The following SLC48A1 variants were observed in gnomAD, a reference collection of about 807,000 sequenced individuals.
The protein encoded by SLC48A1 is solute carrier family 48 member 1.
Under a neutral mutation model 14.8 loss-of-function variants are expected in SLC48A1, and 6 were observed. The ratio of observed to expected loss-of-function variants is 0.41; its 90% CI spans 0.22 to 0.80. SLC48A1 has a LOEUF of 0.80. Ranked by LOEUF, SLC48A1 falls within the 30% of genes least tolerant of loss-of-function variation. The probability of loss-of-function intolerance (pLI) is 0.34; values close to 1 mark genes in which losing one functional copy is unlikely to be tolerated. For synonymous variants in SLC48A1, 89 were observed against 90.0 expected (o/e 0.99, Z 0.06); for missense variants, 165 against 204.8 (o/e 0.81, Z 1.19).
intron 2 of SLC48A1, among the ~76,000 whole-genome samples, chr12:47,765,891 C>G (rs970485028): frequency 7.2e-5 from 11 of 152,240 alleles, no homozygotes; most frequent in South Asian, 2.1e-4. Flanking sequence ...AGTTTCTCCC[C>G]CTCCTGCCAT....
At chr12:47,756,922 T>C (rs1396974003), upstream of SLC48A1, among the ~76,000 whole-genome samples, 1 of 151,242 alleles carries the variant, frequency 6.6e-6, no homozygotes, top group East Asian at 1.9e-4. Flanking sequence ...TGAGCCAAGA[T>C]TGCTTCACTG....
chr12:47,769,737 T>C (rs919825407), upstream of SLC48A1: 4 of 152,120 alleles, frequency 2.6e-5, no homozygotes, highest in Non-Finnish European at 5.9e-5. Context: ...CTGTGATGTT[T>C]CATCATCATT....
chr12:47,780,653 G>A lies in SLC48A1; in HGVS notation c.*372G>A, dbSNP rs1027832849. ...GCGATCTCAGCTCACTGCAACCTCC[G>A]CCTCCCAGGTTCAAGCAATTCTCCT... On this transcript the variant is annotated 3_prime_UTR_variant, in exon 3 of 3. Coordinates refer to ENST00000442218, the MANE Select transcript of SLC48A1 (RefSeq NM_017842.3). The A allele has an allele frequency of 2.7e-5, 11 of 405,690 alleles. No individual in the cohort carries two copies. The highest frequency in any genetic ancestry group is 1.8e-4 in the African/African-American group (8 of 43,892). The allele number at this position is 405,690 out of a possible 1,614,324, so 25.1% of individuals were successfully genotyped here.
chr12:47,756,526 C>G (rs771147184), upstream of SLC48A1: 4 of 152,146 alleles, frequency 2.6e-5, no homozygotes, highest in African/African-American at 9.7e-5. Flanking sequence ...CATGTGGACT[C>G]TCCTCTCAAT....
In SLC48A1 at chr12:47,779,682, G is replaced by A. The variant is rs956546470; in HGVS notation, c.305-463G>A. 3.9e-5 allele frequency among the ~76,000 whole-genome samples: 6 copies of A among 152,292 alleles called. No homozygotes were observed. The South Asian group carries it at 1.2e-3, about 32-fold the overall frequency. On this transcript the variant is annotated intron_variant, in intron 2 of 2. Transcript: ENST00000442218. ...CTGGAATACTCTAAAACGGTCCCCA[G>A]CTCCGTTCTACTGTTCCAGGCTGTG...
chr12:47,781,285 G>C lies in SLC48A1; in HGVS notation c.*1004G>C, dbSNP rs1348670244. 1 of 179,372 alleles carries C rather than the reference G, an allele frequency of 5.6e-6. No homozygotes were observed. The highest frequency in any genetic ancestry group is 9.6e-5 in the South Asian group (1 of 10,378). The allele number at this position is 179,372 out of a possible 1,614,324, so 11.1% of individuals were successfully genotyped here. On this transcript the variant is annotated 3_prime_UTR_variant, in exon 3 of 3. Coordinates refer to ENST00000442218, the MANE Select transcript of SLC48A1 (RefSeq NM_017842.3). ...TTGGGGAAGGGGGCAACATAGTAGA[G>C]GCTGGAAAGAGCCCCCAAACCTGTA...
chr12:47,767,381 G>C (rs192148014), upstream of SLC48A1, among the ~76,000 whole-genome samples: 69 of 152,298 alleles, frequency 4.5e-4, no homozygotes, highest in Admixed American at 4.1e-3. Flanking sequence ...CTTTTCATAT[G>C]TATTGAATAT....
In SLC48A1 at chr12:47,780,572, T is replaced by TC; in HGVS notation, c.*291_*292insC. 1.9e-6 allele frequency: 1 copy of TC among 534,306 alleles called. No homozygotes were observed. Among genetic ancestry groups the TC allele is most frequent in the East Asian group, 4.5e-5 (1 of 22,038 alleles). 33.1% of individuals were successfully genotyped at this position (534,306 alleles called of 1,614,324 possible). The stretch of plus-strand genomic sequence containing the variant: ...TCTTTTCTTTCTTTTTTTTTTCTTT[T>TC]TTTTTTTTTTTTGAGATGGAGTCTT... On this transcript the variant is annotated 3_prime_UTR_variant, in exon 3 of 3. Coordinates refer to ENST00000442218, the MANE Select transcript of SLC48A1 (RefSeq NM_017842.3).
chr12:47,755,458 G>A (rs1941997832), upstream of SLC48A1, among the ~76,000 whole-genome samples: 1 of 152,150 alleles, frequency 6.6e-6, no homozygotes. Context: ...CCCAAGAACA[G>A]TCACACAAAG....
At chr12:47,760,919 G>A (rs960813168) in intron 2 of SLC48A1, among the ~76,000 whole-genome samples, 1 of 152,164 alleles carries the variant, frequency 6.6e-6, no homozygotes, top group Non-Finnish European at 1.5e-5. Flanking sequence ...AATTGAGGCC[G>A]GGTGCGATGG....
upstream of SLC48A1, chr12:47,773,084 A>G: frequency 5.0e-6 from 3 of 597,158 alleles, no homozygotes; most frequent in Non-Finnish European, 6.3e-6. Flanking sequence ...CCCCCAAACG[A>G]CACGGCAGCT....
chr12:47,762,280 A>G (rs1315729034), intron 2 of SLC48A1, among the ~76,000 whole-genome samples: 1 of 151,356 alleles, frequency 6.6e-6, no homozygotes, highest in Non-Finnish European at 1.5e-5. Context: ...GATTTTCCCC[A>G]CCTCGGCCTC....
chr12:47,779,016 T>A lies in SLC48A1; in HGVS notation c.137-12T>A, dbSNP rs1343134425. ...CACCCTGGGGATGGGCCCTGATGTG[T>A]CTCTCCTGCAGGGGTGCTGGCACTG... On this transcript the variant is annotated splice_polypyrimidine_tract_variant and intron_variant, in intron 1 of 2. Transcript: ENST00000442218. 4 of 1,550,802 alleles carry A rather than the reference T, an allele frequency of 2.6e-6. No homozygotes were observed. The Admixed American group carries it at 7.9e-5, about 30-fold the overall frequency.
upstream of SLC48A1, chr12:47,768,773 G>A (rs1367454577): frequency 6.6e-6 from 1 of 152,214 alleles, no homozygotes; most frequent in Non-Finnish European, 1.5e-5. Flanking sequence ...TCTTAGTGTT[G>A]GTGGGACCCA....
At chr12:47,766,861 AC>A (rs1483176133), upstream of SLC48A1, among the ~76,000 whole-genome samples, 2 of 152,050 alleles carry the variant, frequency 1.3e-5, no homozygotes, top group East Asian at 3.9e-4. Flanking sequence ...ATTGAGGTGA[AC>A]CCCTTCTAAA....
chr12:47,780,217 T>C lies in SLC48A1; in HGVS notation c.377T>C (p.Leu126Pro), dbSNP rs1355100495. 1 of 1,614,092 alleles carries C rather than the reference T, an allele frequency of 6.2e-7. No individual in the cohort carries two copies. Residue 126 changes from leucine (L) to proline (P), a missense_variant, in exon 3 of 3, where the codon CTC (leucine) becomes CCC (proline). Coordinates refer to ENST00000442218, the MANE Select transcript of SLC48A1 (RefSeq NM_017842.3). ...ATTTCCTTCAAGTGGGCCTTCCTGC[T>C]CAGCCTCTATGCCCACCGCTACCGG... ...SFISFKWAFL[L>P]SLYAHRYRAD...
chr12:47,755,744 G>A (rs1942017164), upstream of SLC48A1: 1 of 152,378 alleles, frequency 6.6e-6, no homozygotes, highest in Admixed American at 6.5e-5. Context: ...TCTCTGGGAG[G>A]TTGATGGGTT....
chr12:47,758,646 G>A (rs1335870102), exon 1 of SLC48A1: 18 of 1,593,292 alleles, frequency 1.1e-5, no homozygotes, highest in Non-Finnish European at 1.5e-5. Context: ...AAGGGGATCC[G>A]GAGGGTGCCA....
At chr12:47,755,140 T>C (rs1941978842), upstream of SLC48A1, among the ~76,000 whole-genome samples, 1 of 152,172 alleles carries the variant, frequency 6.6e-6, no homozygotes, top group East Asian at 1.9e-4. Flanking sequence ...ATGGTGGTTA[T>C]GTGGTTATGA....
Sources: gnomAD v4.1 joint callset for allele counts (sites outside exome capture counted in the v4.1 genomes callset) on GRCh38, gnomAD v4.1.1 for gene constraint, MANE v1.5 for transcripts, NCBI Gene and HGNC (gene_info 2026-07-23, HGNC 2026-07-21) for gene names.